Variants in ZBTB20 observed in about 807,000 individuals in gnomAD.
ZBTB20 encodes zinc finger and BTB domain-containing protein 20.
In ZBTB20, 9 loss-of-function variants were observed where a neutral mutation model predicts 56.9. The observed-to-expected ratio is 0.16, with a 90% CI of 0.10 to 0.28. The LOEUF is 0.28. ZBTB20 is among the 10% of genes least tolerant of loss of function. The pLI is 1.00. For missense variants in ZBTB20, 655 were observed against 1,003.0 expected, an observed-to-expected ratio of 0.65 and a Z score of 4.69; for synonymous variants, 417 against 420.7, an observed-to-expected ratio of 0.99 and a Z score of 0.11.
At position 114,339,436 on chromosome 3, in the gene ZBTB20, T is replaced by C. The variant is rs2079596627; in HGVS notation, c.1805-10A>G. The C allele has an allele frequency of 6.2e-7, 1 of 1,610,264 alleles. No homozygotes were observed. The highest frequency in any genetic ancestry group is 1.7e-5 in the Admixed American group (1 of 59,884). On this transcript the variant is annotated splice_polypyrimidine_tract_variant and intron_variant, in intron 11 of 11. Transcript: ENST00000675478. The surrounding 1 kb of genome is among the most constrained non-coding windows in gnomAD (Gnocchi z 4.2). ...TGGTGGGGCTTCTCACCTGTTGATGTAGGAAGAGACAGCAAGCAGGACAGA... is the reference window on the plus strand; with the variant it reads ...TGGTGGGGCTTCTCACCTGTTGATGCAGGAAGAGACAGCAAGCAGGACAGA...
intron 5 of ZBTB20, among the ~76,000 whole-genome samples, chr3:114,725,889 A>G (rs2108513072): frequency 6.6e-6 from 1 of 152,366 alleles, no homozygotes; most frequent in Admixed American, 6.5e-5. Context: ...GAATCTTTTT[A>G]GTACATACTG....
At chr3:114,948,041 T>G (rs1278820891) in intron 3 of ZBTB20, among the ~76,000 whole-genome samples, 1 of 145,726 alleles carries the variant, frequency 6.9e-6, no homozygotes. Flanking sequence ...CTCTTTTGAA[T>G]GCAAATAGAA....
At chr3:114,928,247 C>G (rs1398399057) in intron 3 of ZBTB20, among the ~76,000 whole-genome samples, 1 of 152,170 alleles carries the variant, frequency 6.6e-6, no homozygotes, top group Non-Finnish European at 1.5e-5. Flanking sequence ...CGGGGCACAC[C>G]CCATCATTTC....
At chr3:114,604,297 TG>T (rs939433529) in intron 6 of ZBTB20, among the ~76,000 whole-genome samples, 32 of 152,076 alleles carry the variant, frequency 2.1e-4, no homozygotes, top group African/African-American at 7.7e-4. Context: ...GTTTAACTTT[TG>T]TGTAAGAAGG....
intron 5 of ZBTB20, among the ~76,000 whole-genome samples, chr3:114,786,563 G>A (rs2070509861): frequency 1.3e-5 from 2 of 151,834 alleles, no homozygotes; most frequent in Non-Finnish European, 2.9e-5. Context: ...AGGAGTGGGG[G>A]AAAATAATAG....
At chr3:114,899,093 T>C (rs1202599750) in intron 4 of ZBTB20, among the ~76,000 whole-genome samples, 1 of 152,108 alleles carries the variant, frequency 6.6e-6, no homozygotes, top group East Asian at 1.9e-4. Flanking sequence ...GTAACATTTG[T>C]GAAAAAATAC....
chr3:114,876,029 T>C (rs936949503), intron 4 of ZBTB20, among the ~76,000 whole-genome samples: 15 of 151,324 alleles, frequency 9.9e-5, no homozygotes, highest in Non-Finnish European at 2.1e-4. Flanking sequence ...AGGCCAGGAG[T>C]TCAAGACCAG....
intron 7 of ZBTB20, among the ~76,000 whole-genome samples, chr3:114,404,482 A>AGG (rs1349207904): frequency 1.3e-5 from 2 of 152,198 alleles, no homozygotes; most frequent in African/African-American, 4.8e-5. Context: ...CCTAACGCCG[A>AGG]GGGGAAGAAA....
rs571457534 is a variant in ZBTB20 at position 114,772,127 on chromosome 3, G to A, written c.-343+28974C>T. ...GGCTGAGGCAGGCAGATTGCCTGAG[G>A]TCAGGAGTTCGTGACCAGCCTGGCC... On this transcript the variant is annotated intron_variant, in intron 5 of 11. Coordinates refer to ENST00000675478, the MANE Select transcript of ZBTB20 (RefSeq NM_001348800.3). Among the ~76,000 whole-genome samples, 6 of 152,162 alleles carry A rather than the reference G, an allele frequency of 3.9e-5. No homozygotes were observed. The East Asian group carries it at 9.7e-4, about 25-fold the overall frequency.
intron 6 of ZBTB20, among the ~76,000 whole-genome samples, chr3:114,656,565 T>A (rs2060415383): frequency 6.6e-6 from 1 of 152,166 alleles, no homozygotes; most frequent in Non-Finnish European, 1.5e-5. Flanking sequence ...ACATTAATAA[T>A]TTCTATTGAC....
chr3:114,864,405 G>A (rs890072137), intron 4 of ZBTB20, among the ~76,000 whole-genome samples: 1 of 151,636 alleles, frequency 6.6e-6, no homozygotes, highest in Non-Finnish European at 1.5e-5. Context: ...AAAAAAAATG[G>A]TTTCCAGATT....
intron 4 of ZBTB20, among the ~76,000 whole-genome samples, chr3:114,813,197 C>T (rs973791173): frequency 6.6e-6 from 1 of 152,238 alleles, no homozygotes; most frequent in African/African-American, 2.4e-5. Context: ...GTGAGGACTG[C>T]CAGCACGCTG....
intron 6 of ZBTB20, among the ~76,000 whole-genome samples, chr3:114,573,268 T>G (rs2053630318): frequency 6.6e-6 from 1 of 152,060 alleles, no homozygotes; most frequent in Non-Finnish European, 1.5e-5. Context: ...GAGACCACCC[T>G]AGGCAACATG....
intron 4 of ZBTB20, among the ~76,000 whole-genome samples, chr3:114,883,916 C>CTTTTTTTT (rs869141975): frequency 3.3e-5 from 3 of 89,768 alleles, no homozygotes; most frequent in Non-Finnish European, 4.3e-5. Context: ...ATGGTGTGTT[C>CTTTTTTTT]TTTTTTTTTT....
chr3:114,329,475 A>G lies in ZBTB20; in HGVS notation c.*9530T>C, dbSNP rs1264660151. The G allele has an allele frequency of 6.6e-6, 1 of 152,102 alleles. No individual in the cohort carries two copies. The highest frequency in any genetic ancestry group is 1.5e-5 in the Non-Finnish European group (1 of 68,010). The allele number at this position is 152,102 out of a possible 1,614,324, so 9.4% of individuals were successfully genotyped here. On this transcript the variant is annotated 3_prime_UTR_variant, in exon 12 of 12. Transcript: ENST00000675478. The stretch of plus-strand genomic sequence containing the variant: ...AATATGATCTGAAAATATTTATTGT[A>G]TAGGAAGACAGAATGCCTGATTTCT...
At chr3:114,826,109 T>C (rs1178442742) in intron 4 of ZBTB20, among the ~76,000 whole-genome samples, 1 of 151,726 alleles carries the variant, frequency 6.6e-6, no homozygotes, top group Non-Finnish European at 1.5e-5. Flanking sequence ...ACCTTCTGAA[T>C]ATCAACAATA....
intron 6 of ZBTB20, chr3:114,520,201 T>C (rs548980365): frequency 3.9e-5 from 6 of 152,156 alleles, no homozygotes; most frequent in Non-Finnish European, 7.4e-5. Context: ...TCTCACTGTT[T>C]AACAGGAGTC....
At chr3:114,702,464 A>T (rs995115797) in intron 5 of ZBTB20, among the ~76,000 whole-genome samples, 36 of 151,290 alleles carry the variant, frequency 2.4e-4, no homozygotes, top group African/African-American at 8.7e-4. Context: ...ACACATACAC[A>T]GATGAATTTT....
intron 6 of ZBTB20, among the ~76,000 whole-genome samples, chr3:114,666,275 A>G (rs1045108033): frequency 6.6e-6 from 1 of 152,060 alleles, no homozygotes; most frequent in Non-Finnish European, 1.5e-5. Context: ...TCTACAATCA[A>G]GAAATGATTT....
Sources: gnomAD v4.1 joint callset for allele counts (sites outside exome capture counted in the v4.1 genomes callset) on GRCh38, gnomAD v4.1.1 for gene constraint, Gnocchi (gnomAD v3.1) non-coding constraint, MANE v1.5 for transcripts, NCBI Gene and HGNC (gene_info 2026-07-23, HGNC 2026-07-21) for gene names.